PLXDC2: variants seen among roughly 807,000 people sequenced by gnomAD.
The protein encoded by PLXDC2 is plexin domain containing 2, also known as plexin domain-containing protein 2.
PLXDC2 carries 40 observed loss-of-function variants against 68.9 expected under a neutral mutation model. That is an observed-to-expected ratio of 0.58 (90% confidence interval 0.45 to 0.76). The LOEUF (loss-of-function observed/expected upper bound fraction) is 0.76. Ranked by LOEUF, PLXDC2 falls within the 30% of genes least tolerant of loss-of-function variation. The pLI, the probability that PLXDC2 is intolerant of heterozygous loss-of-function variation, is 0.00. For missense variants in PLXDC2, 644 were observed against 661.9 expected (o/e 0.97, Z 0.30); for synonymous variants, 243 against 234.2 (o/e 1.04, Z -0.34).
rs761050308 is a variant in PLXDC2, at chr10:20,279,687, G to C, written c.1474-16G>C. 4 of 1,605,472 alleles carry C rather than the reference G, an allele frequency of 2.5e-6. No individual in the cohort carries two copies. The highest frequency in any genetic ancestry group is 2.6e-6 in the Non-Finnish European group (3 of 1,174,328). On this transcript the variant is annotated splice_polypyrimidine_tract_variant and intron_variant, in intron 13 of 13. Coordinates refer to ENST00000377252, the MANE Select transcript of PLXDC2 (RefSeq NM_032812.9). The stretch of plus-strand genomic sequence containing the variant: ...ACCCTGACGCACATTTTTTATTTTT[G>C]TGTTTTCTGTTTCAGAGACGCCCAA...
At chr10:19,863,686 G>A (rs950786593) in intron 1 of PLXDC2, among the ~76,000 whole-genome samples, 4 of 152,150 alleles carry the variant, frequency 2.6e-5, no homozygotes, top group African/African-American at 4.8e-5. Flanking sequence ...AATATATTTT[G>A]TAGCTTGTTT....
chr10:20,174,707 G>C (rs1230270743), intron 7 of PLXDC2, among the ~76,000 whole-genome samples: 1 of 151,972 alleles, frequency 6.6e-6, no homozygotes, highest in East Asian at 1.9e-4. Flanking sequence ...ACGAGTTAAT[G>C]GGTGCAGCAC....
intron 1 of PLXDC2, among the ~76,000 whole-genome samples, chr10:19,981,868 T>C (rs867924754): frequency 3.9e-5 from 6 of 152,334 alleles, no homozygotes; most frequent in African/African-American, 1.4e-4. Flanking sequence ...CCTTCAGGCC[T>C]TTCTGAAGAT....
chr10:20,159,730 A>G (rs919414556), intron 6 of PLXDC2, among the ~76,000 whole-genome samples: 7 of 152,066 alleles, frequency 4.6e-5, no homozygotes, highest in African/African-American at 1.4e-4. Flanking sequence ...CTTGTTTACT[A>G]CTTCTGCTCC....
intron 9 of PLXDC2, among the ~76,000 whole-genome samples, chr10:20,207,767 C>T (rs1835012552): frequency 6.6e-6 from 1 of 152,108 alleles, no homozygotes; most frequent in Non-Finnish European, 1.5e-5. Flanking sequence ...ATTTAGGATG[C>T]CAAATCCCAC....
chr10:19,972,685 A>G (rs1433546020), intron 1 of PLXDC2, among the ~76,000 whole-genome samples: 2 of 152,186 alleles, frequency 1.3e-5, no homozygotes. Context: ...TGACCAAGGG[A>G]GACTTGATTA....
chr10:20,038,111 C>T (rs953615129), intron 2 of PLXDC2, among the ~76,000 whole-genome samples: 12 of 152,080 alleles, frequency 7.9e-5, no homozygotes, highest in Non-Finnish European at 1.3e-4. Context: ...TGGCACATGC[C>T]TGTAGTCCCA....
intron 1 of PLXDC2, among the ~76,000 whole-genome samples, chr10:19,865,626 AT>A (rs1266002625): frequency 6.6e-6 from 1 of 152,210 alleles, no homozygotes; most frequent in Admixed American, 6.6e-5. Context: ...GCATCTGAAT[AT>A]TCCTGTGAAA....
At chr10:20,002,068 G>T (rs1043050250) in intron 2 of PLXDC2, 82 bp downstream of exon 2, 10 of 1,352,640 alleles carry the variant, frequency 7.4e-6, no homozygotes, top group African/African-American at 1.5e-5. Flanking sequence ...GACATAAGTT[G>T]TCTCTTCATC....
At chr10:20,254,971 A>G (rs1187348086) in intron 13 of PLXDC2, among the ~76,000 whole-genome samples, 1 of 152,236 alleles carries the variant, frequency 6.6e-6, no homozygotes, top group Non-Finnish European at 1.5e-5. Flanking sequence ...TCTAAGTAAC[A>G]CATTTTCATT....
intron 1 of PLXDC2, among the ~76,000 whole-genome samples, chr10:19,843,426 A>C (rs12247844): frequency 6.6e-6 from 1 of 152,152 alleles, no homozygotes; most frequent in African/African-American, 2.4e-5. Flanking sequence ...CCATAAGGAC[A>C]CCATCCACGG....
intron 1 of PLXDC2, among the ~76,000 whole-genome samples, chr10:19,968,434 T>C (rs1057359688): frequency 6.6e-6 from 1 of 152,142 alleles, no homozygotes; most frequent in Non-Finnish European, 1.5e-5. Flanking sequence ...AGCCTCAGCC[T>C]CCTGAGTCGC....
At chr10:20,011,454 G>A (rs570320314) in intron 2 of PLXDC2, among the ~76,000 whole-genome samples, 2 of 152,322 alleles carry the variant, frequency 1.3e-5, no homozygotes, top group South Asian at 2.1e-4. Context: ...TTAGCAAAGT[G>A]TGAAAAACGT....
intron 6 of PLXDC2, among the ~76,000 whole-genome samples, chr10:20,152,057 A>G (rs1834159465): frequency 6.6e-6 from 1 of 152,062 alleles, no homozygotes; most frequent in African/African-American, 2.4e-5. Context: ...CCCTCATTCA[A>G]TTTATCTTAG....
intron 1 of PLXDC2, among the ~76,000 whole-genome samples, chr10:19,960,299 G>A (rs1257047988): frequency 6.6e-6 from 1 of 151,890 alleles, no homozygotes; most frequent in East Asian, 1.9e-4. Context: ...TGGAGTTCCA[G>A]GTCACAGTAA....
Position 20,068,237 on chromosome 10 carries a change from G to C in PLXDC2, c.539G>C (p.Gly180Ala). ...HFLREITVAT[G>A]GFIYTGEVVH... ...CTACGTGAAATCACTGTGGCAACCG[G>C]GGGTAAGTGGTTTTCTACCCATTCA... Residue 180 changes from glycine to alanine, a missense_variant and splice_region_variant, in exon 4 of 14, where the codon GGG becomes GCG. By Grantham distance (60) the Gly-to-Ala change is moderately conservative. This residue lies in a region of PLXDC2 where 113 missense variants were observed against 167.1 expected (regional missense o/e 0.68). Transcript: ENST00000377252. The C allele has an allele frequency of 6.2e-7, 1 of 1,610,588 alleles. No homozygotes were observed. The highest frequency in any genetic ancestry group is 8.5e-7 in the Non-Finnish European group (1 of 1,177,394).
chr10:20,172,701 T>C (rs977857625), intron 7 of PLXDC2, among the ~76,000 whole-genome samples: 20 of 152,144 alleles, frequency 1.3e-4, no homozygotes, highest in Non-Finnish European at 8.8e-5. Flanking sequence ...TAGGAAAGTA[T>C]ACGTGAGAGA....
intron 9 of PLXDC2, among the ~76,000 whole-genome samples, chr10:20,210,277 A>G (rs1474085990): frequency 1.3e-5 from 2 of 152,186 alleles, no homozygotes; most frequent in Admixed American, 6.6e-5. Flanking sequence ...TTATAAGAAT[A>G]TAGTATAATA....
At chr10:20,126,465 C>CGTTATATACGTATATAGAACACACAT (rs1564325102) in intron 4 of PLXDC2, among the ~76,000 whole-genome samples, 2 of 49,058 alleles carry the variant, frequency 4.1e-5, no homozygotes, top group African/African-American at 9.2e-5. Context: ...ATACAACACA[C>CGTTATATACGTATATAGAACACACAT]GTTATATATG....
Sources: allele counts gnomAD v4.1 joint callset (sites outside exome capture counted in the v4.1 genomes callset), GRCh38; gene constraint gnomAD v4.1.1; regional missense constraint gnomAD v4.1.1; transcripts MANE v1.5; gene names NCBI Gene and HGNC (gene_info 2026-07-23, HGNC 2026-07-21).